GPC5: variants seen among roughly 807,000 people sequenced by gnomAD.
GPC5 encodes the protein glypican-5.
A neutral mutation model predicts 53.9 loss-of-function variants in GPC5; 47 were observed. That is an observed-to-expected ratio of 0.87 (90% CI 0.69 to 1.11). The LOEUF (loss-of-function observed/expected upper bound fraction) is 1.11, where lower values mean the gene tolerates loss of function less well. Ranked by LOEUF, GPC5 falls within the 50% of genes most tolerant of loss-of-function variation. GPC5 has a pLI of 0.00. For synonymous variants in GPC5, 286 were observed against 263.3 expected (o/e 1.09, Z -0.84); for missense variants, 748 against 713.1 (o/e 1.05, Z -0.56).
intron 7 of GPC5, among the ~76,000 whole-genome samples, chr13:92,753,660 G>C (rs1874699443): frequency 2.6e-5 from 4 of 152,110 alleles, no homozygotes; most frequent in Admixed American, 2.6e-4. Flanking sequence ...TGAAAACCAA[G>C]GCTCGAGAAC....
intron 7 of GPC5, among the ~76,000 whole-genome samples, chr13:92,743,357 G>T (rs1490826872): frequency 1.3e-5 from 2 of 151,450 alleles, no homozygotes; most frequent in African/African-American, 2.4e-5. Context: ...ATTGTGAATG[G>T]GAGTTCACTC....
intron 7 of GPC5, among the ~76,000 whole-genome samples, chr13:92,365,464 ATC>A: frequency 6.6e-6 from 1 of 151,648 alleles, no homozygotes; most frequent in East Asian, 1.9e-4. Flanking sequence ...CTTTTAAAAT[ATC>A]TTTCTTTCTT....
At chr13:92,505,850 G>A (rs970589850) in intron 7 of GPC5, among the ~76,000 whole-genome samples, 1 of 152,084 alleles carries the variant, frequency 6.6e-6, no homozygotes, top group African/African-American at 2.4e-5. Flanking sequence ...AGTGAAAGAA[G>A]CCAGTATCAA....
At chr13:91,607,198 A>G (rs2033397543) in intron 2 of GPC5, among the ~76,000 whole-genome samples, 1 of 152,102 alleles carries the variant, frequency 6.6e-6, no homozygotes, top group African/African-American at 2.4e-5. Context: ...AATGATGCCA[A>G]GTGTGAAGAA....
intron 7 of GPC5, among the ~76,000 whole-genome samples, chr13:92,764,954 C>G (rs971859807): frequency 2.0e-5 from 3 of 152,088 alleles, no homozygotes; most frequent in Admixed American, 6.6e-5. Context: ...TTTAATATGT[C>G]AAGACTCAGA....
At chr13:91,815,769 A>G (rs1194562954) in intron 5 of GPC5, among the ~76,000 whole-genome samples, 1 of 152,108 alleles carries the variant, frequency 6.6e-6, no homozygotes, top group Non-Finnish European at 1.5e-5. Flanking sequence ...TTTCGTTTCC[A>G]CATACATAGA....
chr13:91,542,847 C>A (rs1362057641), intron 2 of GPC5, among the ~76,000 whole-genome samples: 2 of 133,908 alleles, frequency 1.5e-5, no homozygotes, highest in South Asian at 2.6e-4. Flanking sequence ...CCATGCCCAG[C>A]CAATTTTTTT....
intron 3 of GPC5, among the ~76,000 whole-genome samples, chr13:91,705,731 A>C (rs1311679153): frequency 7.0e-6 from 1 of 143,820 alleles, no homozygotes; most frequent in African/African-American, 2.5e-5. Context: ...TGTAGTTATA[A>C]TTTCCAATAA....
intron 2 of GPC5, among the ~76,000 whole-genome samples, chr13:91,490,316 A>C (rs586945): frequency 0.99 from 151,331 of 152,160 alleles, 75,265 homozygotes; most frequent in Middle Eastern, 1. Flanking sequence ...AGCTTTGAAG[A>C]CTGGACTCAG....
chr13:92,213,490 C>A (rs1220686762), intron 7 of GPC5, among the ~76,000 whole-genome samples: 1 of 128,190 alleles, frequency 7.8e-6, no homozygotes, highest in Admixed American at 8.5e-5. Flanking sequence ...TGCTTGACAA[C>A]AATCATTATC....
intron 7 of GPC5, among the ~76,000 whole-genome samples, chr13:92,248,873 C>T (rs899518096): frequency 6.6e-5 from 10 of 151,928 alleles, no homozygotes; most frequent in Admixed American, 6.6e-4. Flanking sequence ...CAAGGTTAAT[C>T]AATAACATCA....
chr13:92,346,270 C>T (rs1325939830), intron 7 of GPC5, among the ~76,000 whole-genome samples: 1 of 152,108 alleles, frequency 6.6e-6, no homozygotes, highest in Non-Finnish European at 1.5e-5. Flanking sequence ...AGAGCACAGC[C>T]CTTAGCCCTG....
At chr13:92,079,599 G>A (rs192991014) in intron 6 of GPC5, among the ~76,000 whole-genome samples, 1 of 152,172 alleles carries the variant, frequency 6.6e-6, no homozygotes, top group East Asian at 1.9e-4. Flanking sequence ...TCCTTACTTC[G>A]ACAACACCTG....
At chr13:92,192,868 A>G (rs1439302539) in intron 7 of GPC5, among the ~76,000 whole-genome samples, 2 of 152,182 alleles carry the variant, frequency 1.3e-5, no homozygotes, top group African/African-American at 4.8e-5. Context: ...AAAAAAATTT[A>G]CTGAGAATTT....
intron 6 of GPC5, among the ~76,000 whole-genome samples, chr13:91,945,848 C>T (rs545585405): frequency 4.6e-5 from 7 of 152,154 alleles, no homozygotes; most frequent in African/African-American, 1.7e-4. Flanking sequence ...CCTGATACAA[C>T]CCTTGCGTTG....
At chr13:92,001,236 T>C (rs917923554) in intron 6 of GPC5, among the ~76,000 whole-genome samples, 1 of 152,208 alleles carries the variant, frequency 6.6e-6, no homozygotes, top group African/African-American at 2.4e-5. Context: ...GGTGAGTTAT[T>C]TGGAAAAGCA....
chr13:92,378,553 G>A (rs11841663), intron 7 of GPC5, among the ~76,000 whole-genome samples: 3,822 of 152,226 alleles, frequency 0.025, 152 homozygotes, highest in African/African-American at 0.086. Context: ...TCAGAATAGC[G>A]TGGACTTTGG....
At chr13:92,263,581 AGT>A (rs1324476374) in intron 7 of GPC5, among the ~76,000 whole-genome samples, 1 of 152,128 alleles carries the variant, frequency 6.6e-6, no homozygotes, top group Non-Finnish European at 1.5e-5. Flanking sequence ...TATAATATAT[AGT>A]GGGGTAGAAG....
intron 7 of GPC5, among the ~76,000 whole-genome samples, chr13:92,282,188 G>A (rs564404733): frequency 3.3e-5 from 5 of 152,196 alleles, no homozygotes; most frequent in Non-Finnish European, 7.3e-5. Flanking sequence ...GAGAAGAGAA[G>A]TTTAGAGAAA....
Sources: allele counts gnomAD v4.1 joint callset (sites outside exome capture counted in the v4.1 genomes callset), GRCh38; gene constraint gnomAD v4.1.1; transcripts MANE v1.5; gene names NCBI Gene and HGNC (gene_info 2026-07-23, HGNC 2026-07-21).